NME9: variants seen among roughly 807,000 people sequenced by gnomAD.
NME9 encodes the protein thioredoxin domain-containing protein 6.
NME9 carries 48 observed loss-of-function variants against 44.4 expected under a neutral mutation model. The observed-to-expected ratio is 1.08, with a 90% CI of 0.86 to 1.37. The LOEUF (loss-of-function observed/expected upper bound fraction) is 1.37, where lower values mean the gene tolerates loss of function less well. Ranked by LOEUF, NME9 falls within the 40% of genes most tolerant of loss-of-function variation. The pLI is 0.00. For missense variants in NME9, 325 were observed against 405.2 expected (o/e 0.80, Z 1.70); for synonymous variants, 139 against 147.1 (o/e 0.94, Z 0.40).
At chr3:138,290,143 G>A (rs1249449243) in intron 8 of NME9, among the ~76,000 whole-genome samples, 2 of 152,226 alleles carry the variant, frequency 1.3e-5, no homozygotes, top group African/African-American at 2.4e-5. Context: ...ACAATAGAAA[G>A]GGGAAGATAA....
intron 10 of NME9, 64 bp downstream of exon 10, chr3:138,303,443 C>A: frequency 7.5e-7 from 1 of 1,327,582 alleles, no homozygotes; most frequent in South Asian, 1.2e-5. Context: ...CACACTCAAG[C>A]ACATAGTTAC....
chr3:138,282,875 A>G (rs1426373924), intron 8 of NME9, among the ~76,000 whole-genome samples: 1 of 152,162 alleles, frequency 6.6e-6, no homozygotes, highest in African/African-American at 2.4e-5. Context: ...GACTAACCAA[A>G]AAGAGTGCAG....
intron 6 of NME9, among the ~76,000 whole-genome samples, chr3:138,308,945 G>GAAAAAAA (rs1002890235): frequency 5.3e-4 from 28 of 52,886 alleles, no homozygotes; most frequent in African/African-American, 1.4e-3. Flanking sequence ...AATACTGAAA[G>GAAAAAAA]AAAAAAAAAA....
intron 8 of NME9, among the ~76,000 whole-genome samples, chr3:138,272,516 C>T (rs1168685443): frequency 6.6e-6 from 1 of 152,122 alleles, no homozygotes; most frequent in Non-Finnish European, 1.5e-5. Flanking sequence ...AGGTGATTAA[C>T]AAGAATCAAG....
chr3:138,284,103 A>G (rs890568622), intron 8 of NME9, among the ~76,000 whole-genome samples: 1 of 152,250 alleles, frequency 6.6e-6, no homozygotes, highest in African/African-American at 2.4e-5. Context: ...CTTAGAAATG[A>G]GATTTTCAAG....
At chr3:138,263,657 A>C in intron 8 of NME9, 1 of 1,178,602 alleles carries the variant, frequency 8.5e-7, no homozygotes, top group Non-Finnish European at 1.3e-6. Flanking sequence ...CTTTTAATGG[A>C]TGTTAACATA....
intron 8 of NME9, chr3:138,289,066 C>G (rs1167308250): frequency 1.9e-6 from 3 of 1,612,864 alleles, no homozygotes; most frequent in East Asian, 2.2e-5. Flanking sequence ...ACATGTTAAA[C>G]TGCAGCTTGC....
chr3:138,289,679 C>A (rs1246147822), intron 8 of NME9, among the ~76,000 whole-genome samples: 1 of 152,046 alleles, frequency 6.6e-6, no homozygotes, highest in African/African-American at 2.4e-5. Context: ...TCGGGGTGGG[C>A]TCCAGGCATA....
chr3:138,269,923 G>A, intron 8 of NME9: 1 of 359,110 alleles, frequency 2.8e-6, no homozygotes, highest in South Asian at 5.1e-5. Context: ...CTTTGCAAAA[G>A]TTGCCTGGAA....
Position 138,309,961 on chromosome 3 carries a change from A to G in NME9, c.461-3481T>C, listed in dbSNP as rs376175714. Reference sequence around the variant, plus strand: ...AGAATCGCTTGAACCCAGGAGGTGGAGGTTGCAGTGAGCCAAGATCATGCT... The same window carrying G: ...AGAATCGCTTGAACCCAGGAGGTGGGGGTTGCAGTGAGCCAAGATCATGCT... On this transcript the variant is annotated intron_variant, in intron 6 of 10. Transcript: ENST00000333911. Among the ~76,000 whole-genome samples the G allele has an allele frequency of 4.4e-4, 67 of 151,764 alleles. 1 individual carries two copies. In the East Asian group the frequency reaches 6.2e-3, roughly 14 times the overall value.
intron 7 of NME9, 42 bp downstream of exon 7, chr3:138,306,356 G>A (rs1166119367): frequency 1.4e-6 from 2 of 1,415,960 alleles, no homozygotes; most frequent in Non-Finnish European, 2.0e-6. Flanking sequence ...CACAAAAGAG[G>A]ACACAAGGAC....
chr3:138,325,503 G>T (rs1460733199), intron 1 of NME9, among the ~76,000 whole-genome samples: 2 of 151,534 alleles, frequency 1.3e-5, no homozygotes, highest in African/African-American at 4.9e-5. Flanking sequence ...CTGCCTCCCA[G>T]GTTCAAGCGA....
intron 8 of NME9, chr3:138,284,316 G>C (rs766533735): frequency 4.1e-6 from 3 of 733,900 alleles, no homozygotes; most frequent in Non-Finnish European, 7.2e-6. Flanking sequence ...GGCATTGAGA[G>C]TGGAACCTGT....
intron 6 of NME9, among the ~76,000 whole-genome samples, chr3:138,308,805 T>A (rs890326969): frequency 6.6e-6 from 1 of 152,100 alleles, no homozygotes; most frequent in Non-Finnish European, 1.5e-5. Context: ...TGACACAGTA[T>A]GTTTGAAGTC....
At chr3:138,264,494 A>G (rs2048073464) in intron 8 of NME9, among the ~76,000 whole-genome samples, 1 of 128,182 alleles carries the variant, frequency 7.8e-6, no homozygotes, top group South Asian at 2.3e-4. Flanking sequence ...ATCTTGGCTC[A>G]CTGCAACCTC....
chr3:138,315,233 C>T (rs893790004), intron 5 of NME9, among the ~76,000 whole-genome samples: 3 of 152,204 alleles, frequency 2.0e-5, no homozygotes, highest in Non-Finnish European at 4.4e-5. Flanking sequence ...CCCACCACTC[C>T]ATTCTGTAAC....
intron 8 of NME9, among the ~76,000 whole-genome samples, chr3:138,272,363 A>G (rs888675421): frequency 1.3e-5 from 2 of 152,182 alleles, no homozygotes; most frequent in Admixed American, 1.3e-4. Context: ...CCATAAAGAT[A>G]TTCTCAAAAG....
intron 8 of NME9, among the ~76,000 whole-genome samples, chr3:138,276,356 C>T (rs1377373536): frequency 6.6e-6 from 1 of 152,146 alleles, no homozygotes; most frequent in Non-Finnish European, 1.5e-5. Context: ...GAAACTGTCA[C>T]CACAGACAAG....
downstream of NME9, among the ~76,000 whole-genome samples, chr3:138,300,191 G>GC (rs1224799799): frequency 6.6e-6 from 1 of 152,118 alleles, no homozygotes; most frequent in African/African-American, 2.4e-5. Context: ...CTGTGGACAT[G>GC]TGTGTTTCCA....
Sources: gnomAD v4.1 joint callset for allele counts (sites outside exome capture counted in the v4.1 genomes callset) on GRCh38, gnomAD v4.1.1 for gene constraint, MANE v1.5 for transcripts, NCBI Gene and HGNC (gene_info 2026-07-23, HGNC 2026-07-21) for gene names.